The following FSTL5 variants were observed in gnomAD, a reference collection of about 807,000 sequenced individuals.
FSTL5 encodes follistatin like 5, also known as follistatin-related protein 5.
A neutral mutation model predicts 89.1 loss-of-function variants in FSTL5; 62 were observed. That is an observed-to-expected ratio of 0.70 (90% CI 0.57 to 0.86). The LOEUF is 0.86. Among genes scored for constraint, FSTL5 ranks in the 40% least tolerant of loss-of-function variants. The pLI is 0.00. For synonymous variants in FSTL5, 383 were observed against 346.2 expected (o/e 1.11, Z -1.18); for missense variants, 1,057 against 1,001.6 (o/e 1.06, Z -0.75).
chr4:161,770,166 C>T (rs1021141020), intron 5 of FSTL5, among the ~76,000 whole-genome samples: 1 of 151,870 alleles, frequency 6.6e-6, no homozygotes, highest in Non-Finnish European at 1.5e-5. Context: ...CAAATGGAAA[C>T]AATTGAACTT....
intron 8 of FSTL5, among the ~76,000 whole-genome samples, chr4:161,585,258 T>C (rs1733568216): frequency 6.6e-6 from 1 of 152,168 alleles, no homozygotes; most frequent in Non-Finnish European, 1.5e-5. Flanking sequence ...GAAACCTACA[T>C]CAGACATGAA....
At chr4:162,126,137 T>A (rs1732072113) in intron 1 of FSTL5, among the ~76,000 whole-genome samples, 1 of 152,084 alleles carries the variant, frequency 6.6e-6, no homozygotes, top group African/African-American at 2.4e-5. Context: ...AAGTCAATAG[T>A]TACTTAACTG....
At chr4:161,981,880 CAAT>C (rs142708717) in intron 3 of FSTL5, among the ~76,000 whole-genome samples, 7,820 of 152,186 alleles carry the variant, frequency 0.051, 249 homozygotes, top group Non-Finnish European at 0.076. Flanking sequence ...TACATTTATA[CAAT>C]AATGGTTAAC....
intron 2 of FSTL5, among the ~76,000 whole-genome samples, chr4:162,107,654 A>C (rs370348461): frequency 6.6e-6 from 1 of 152,288 alleles, no homozygotes. Flanking sequence ...TCAGAAATGG[A>C]CATGGGGATT....
At chr4:161,838,015 T>C (rs1731098943) in intron 4 of FSTL5, among the ~76,000 whole-genome samples, 1 of 152,180 alleles carries the variant, frequency 6.6e-6, no homozygotes, top group Admixed American at 6.5e-5. Flanking sequence ...TGTATTATTT[T>C]ATGGTTCTAT....
At chr4:161,482,940 G>C (rs765548776) in intron 12 of FSTL5, among the ~76,000 whole-genome samples, 1 of 152,132 alleles carries the variant, frequency 6.6e-6, no homozygotes, top group African/African-American at 2.4e-5. Context: ...AGACATAAGC[G>C]GAAAGTCTGA....
chr4:161,720,180 T>C (rs1739142006), intron 6 of FSTL5, among the ~76,000 whole-genome samples: 4 of 131,476 alleles, frequency 3.0e-5, no homozygotes, highest in Middle Eastern at 4.0e-3. Flanking sequence ...CCAAAATATA[T>C]AATGAAGCCC....
At chr4:161,962,435 C>G (rs185165091) in intron 3 of FSTL5, among the ~76,000 whole-genome samples, 1 of 152,070 alleles carries the variant, frequency 6.6e-6, no homozygotes, top group Admixed American at 6.6e-5. Context: ...TTTCTTCTAT[C>G]GTAACCATCT....
intron 15 of FSTL5, among the ~76,000 whole-genome samples, chr4:161,411,809 T>A (rs1731603280): frequency 6.6e-6 from 1 of 152,118 alleles, no homozygotes; most frequent in African/African-American, 2.4e-5. Context: ...CACTCGCATT[T>A]AACATAGTAC....
chr4:161,936,177 AT>A (rs1318359405), intron 3 of FSTL5, among the ~76,000 whole-genome samples: 1 of 152,180 alleles, frequency 6.6e-6, no homozygotes, highest in East Asian at 1.9e-4. Flanking sequence ...TGGAATAGAG[AT>A]TAGTTTGTTA....
At chr4:161,992,902 GTGTATATATATATATATATATA>G (rs1560957600) in intron 3 of FSTL5, among the ~76,000 whole-genome samples, 6 of 12,520 alleles carry the variant, frequency 4.8e-4, no homozygotes, top group African/African-American at 1.2e-3. Context: ...ATATATGTGT[GTGTATATATATATATATATATA>G]TGTGTGTATA....
At chr4:161,779,396 A>G (rs992376675) in intron 4 of FSTL5, among the ~76,000 whole-genome samples, 1 of 152,108 alleles carries the variant, frequency 6.6e-6, no homozygotes, top group Admixed American at 6.6e-5. Context: ...TTAGTTATAA[A>G]TATGTGTATG....
intron 3 of FSTL5, among the ~76,000 whole-genome samples, chr4:161,993,535 T>C: frequency 6.6e-6 from 1 of 152,140 alleles, no homozygotes; most frequent in East Asian, 1.9e-4. Flanking sequence ...TGTATATATT[T>C]ATAGGGTACA....
intron 6 of FSTL5, among the ~76,000 whole-genome samples, chr4:161,691,340 T>C (rs1021438150): frequency 2.0e-5 from 3 of 152,120 alleles, no homozygotes; most frequent in African/African-American, 7.2e-5. Context: ...TCAAAATCAA[T>C]TGGCCATAGA....
intron 4 of FSTL5, among the ~76,000 whole-genome samples, chr4:161,813,239 A>C (rs772054336): frequency 1.1e-4 from 17 of 151,878 alleles, no homozygotes; most frequent in South Asian, 2.1e-4. Context: ...CCGTGTTAGC[A>C]AGGATGGTCT....
chr4:161,832,758 G>T (rs2126862973), intron 4 of FSTL5, among the ~76,000 whole-genome samples: 1 of 151,592 alleles, frequency 6.6e-6, no homozygotes, highest in Non-Finnish European at 1.5e-5. Flanking sequence ...GCATCTATTT[G>T]ATTCTTCTCT....
At position 161,510,392 on chromosome 4, in the gene FSTL5, T is replaced by G. The variant is rs201055979; in HGVS notation, c.1339+6A>C. ...GTCACAACATAAAAATAATTCAACTTAGTACCTTCTTCTCTCCATAATATG... is the reference window on the plus strand; with the variant it reads ...GTCACAACATAAAAATAATTCAACTGAGTACCTTCTTCTCTCCATAATATG... On this transcript the variant is annotated splice_donor_region_variant and intron_variant, in intron 11 of 15. Transcript: ENST00000306100. The G allele has an allele frequency of 1.6e-4, 240 of 1,524,678 alleles. No homozygotes were observed. The highest frequency in any genetic ancestry group is 2.0e-4 in the Non-Finnish European group (231 of 1,132,826). 94.4% of individuals were successfully genotyped at this position (1,524,678 alleles called of 1,614,324 possible). A position where few individuals can be genotyped will look rare whatever the true frequency, so the allele number is the denominator to read the frequency against.
At chr4:161,840,156 G>T (rs1278839001) in intron 4 of FSTL5, among the ~76,000 whole-genome samples, 3 of 151,968 alleles carry the variant, frequency 2.0e-5, no homozygotes, top group African/African-American at 7.3e-5. Flanking sequence ...GAGCGTCACC[G>T]TGTTTGGCAG....
At chr4:162,127,378 G>A (rs4441714) in intron 1 of FSTL5, among the ~76,000 whole-genome samples, 33,934 of 152,004 alleles carry the variant, frequency 0.22, 4,086 homozygotes, top group East Asian at 0.39. Context: ...AAAATTGCTG[G>A]TGTACCTGAG....
Sources: gnomAD v4.1 joint callset for allele counts (sites outside exome capture counted in the v4.1 genomes callset) on GRCh38, gnomAD v4.1.1 for gene constraint, MANE v1.5 for transcripts, NCBI Gene and HGNC (gene_info 2026-07-23, HGNC 2026-07-21) for gene names.